PTPRD: variants seen among roughly 807,000 people sequenced by gnomAD.
PTPRD encodes the protein receptor-type tyrosine-protein phosphatase delta.
A neutral mutation model predicts 214.5 loss-of-function variants in PTPRD; 34 were observed. That is an observed-to-expected ratio of 0.16 (90% confidence interval 0.12 to 0.21). The LOEUF (loss-of-function observed/expected upper bound fraction) is 0.21, where lower values mean the gene tolerates loss of function less well. Among genes scored for constraint, PTPRD ranks in the 10% least tolerant of loss-of-function variants. The pLI is 1.00. For synonymous variants in PTPRD, 1,128 were observed against 845.7 expected, an observed-to-expected ratio of 1.33 and a Z score of -5.79; for missense variants, 2,545 against 2,398.7, an observed-to-expected ratio of 1.06 and a Z score of -1.27.
chr9:8,414,462 G>A (rs1589805616), intron 35 of PTPRD, among the ~76,000 whole-genome samples: 1 of 152,284 alleles, frequency 6.6e-6, no homozygotes, highest in East Asian at 1.9e-4. Flanking sequence ...CAATTAGTTG[G>A]CTATTTTAAT....
At chr9:9,789,787 A>C in intron 5 of PTPRD, among the ~76,000 whole-genome samples, 1 of 55,470 alleles carries the variant, frequency 1.8e-5, no homozygotes, top group Admixed American at 2.1e-4. Flanking sequence ...ACAGAGCCAA[A>C]CTCTGTCTCA....
intron 3 of PTPRD, among the ~76,000 whole-genome samples, chr9:10,202,342 T>A (rs7874156): frequency 0.48 from 73,496 of 151,606 alleles, 18,931 homozygotes; most frequent in Non-Finnish European, 0.59. Flanking sequence ...GCTACTGACC[T>A]TCTGCCTGTC....
intron 2 of PTPRD, among the ~76,000 whole-genome samples, chr9:10,444,585 C>A (rs1418177169): frequency 6.6e-6 from 1 of 151,672 alleles, no homozygotes; most frequent in African/African-American, 2.4e-5. Flanking sequence ...AGACAAGATA[C>A]ATGCCTACTA....
At chr9:10,202,302 C>A (rs1019014345) in intron 3 of PTPRD, among the ~76,000 whole-genome samples, 2 of 151,632 alleles carry the variant, frequency 1.3e-5, no homozygotes, top group African/African-American at 4.8e-5. Context: ...AAAGCAGGAG[C>A]CCCCCCACAA....
At chr9:9,696,504 T>C (rs140660984) in intron 7 of PTPRD, among the ~76,000 whole-genome samples, 1 of 152,170 alleles carries the variant, frequency 6.6e-6, no homozygotes, top group Admixed American at 6.5e-5. Flanking sequence ...GCATAGATAT[T>C]TGTAATTGTT....
chr9:8,322,028 G>A (rs1332914799), intron 44 of PTPRD, among the ~76,000 whole-genome samples: 1 of 151,172 alleles, frequency 6.6e-6, no homozygotes, highest in East Asian at 1.9e-4. Context: ...TGTGATCACT[G>A]ATCTTTGATG....
At chr9:8,919,917 G>GATGCATGTGC (rs1161528797) in intron 11 of PTPRD, among the ~76,000 whole-genome samples, 1 of 122,884 alleles carries the variant, frequency 8.1e-6, no homozygotes, top group Non-Finnish European at 1.9e-5. Context: ...TGCATAAGTG[G>GATGCATGTGC]ATGCATGTGC....
chr9:9,070,071 G>T (rs900428938), intron 10 of PTPRD, among the ~76,000 whole-genome samples: 1 of 152,152 alleles, frequency 6.6e-6, no homozygotes, highest in Non-Finnish European at 1.5e-5. Context: ...AATCAGTCAT[G>T]TATTTCAAGT....
intron 39 of PTPRD, among the ~76,000 whole-genome samples, chr9:8,369,770 A>T (rs1439162144): frequency 6.6e-6 from 1 of 151,916 alleles, no homozygotes; most frequent in Non-Finnish European, 1.5e-5. Flanking sequence ...ATCATGGGTC[A>T]AGGTTTTATA....
At chr9:9,134,739 C>T (rs2099848242) in intron 10 of PTPRD, among the ~76,000 whole-genome samples, 1 of 152,082 alleles carries the variant, frequency 6.6e-6, no homozygotes, top group South Asian at 2.1e-4. Context: ...GTTTTACTTT[C>T]TTATTTCTTT....
At chr9:9,479,736 C>G (rs1448467735) in intron 8 of PTPRD, among the ~76,000 whole-genome samples, 5 of 150,834 alleles carry the variant, frequency 3.3e-5, no homozygotes, top group Non-Finnish European at 3.0e-5. Flanking sequence ...AAAACAAAAA[C>G]AAAACAAAAC....
intron 5 of PTPRD, among the ~76,000 whole-genome samples, chr9:9,889,788 A>AGTGTGTGTGTGTGTGTGT (rs138586181): frequency 2.1e-5 from 3 of 146,216 alleles, no homozygotes; most frequent in African/African-American, 7.5e-5. Context: ...GTTCCTGCTG[A>AGTGTGTGTGTGTGTGTGT]GTGTGTGTGT....
chr9:9,401,656 G>T (rs948777209), intron 8 of PTPRD, among the ~76,000 whole-genome samples: 18 of 151,012 alleles, frequency 1.2e-4, no homozygotes, highest in Middle Eastern at 3.4e-3. Context: ...TCATTGATAC[G>T]GTTTTTCTAC....
chr9:9,782,774 A>G (rs141997633), intron 5 of PTPRD, among the ~76,000 whole-genome samples: 31 of 152,334 alleles, frequency 2.0e-4, no homozygotes, highest in African/African-American at 7.5e-4. Context: ...GTGTATAACA[A>G]GTTATCGAAA....
intron 5 of PTPRD, among the ~76,000 whole-genome samples, chr9:9,862,729 C>T (rs879041488): frequency 6.4e-4 from 12 of 18,750 alleles, no homozygotes; most frequent in East Asian, 4.5e-3. Flanking sequence ...TGGTGGGGGG[C>T]GGGGGGGGGA....
chr9:9,035,808 A>C (rs2099619917), intron 10 of PTPRD, among the ~76,000 whole-genome samples: 5 of 151,928 alleles, frequency 3.3e-5, no homozygotes, highest in Admixed American at 3.3e-4. Context: ...AATGCACATG[A>C]CAGTCTGGTT....
chr9:9,415,066 T>C (rs775674692), intron 8 of PTPRD, among the ~76,000 whole-genome samples: 1 of 152,198 alleles, frequency 6.6e-6, no homozygotes, highest in Non-Finnish European at 1.5e-5. Flanking sequence ...ATTACGTACT[T>C]GTTTATTAAG....
intron 12 of PTPRD, among the ~76,000 whole-genome samples, chr9:8,726,635 A>ATATATATATG (rs2098575572): frequency 1.6e-5 from 1 of 61,910 alleles, no homozygotes; most frequent in Non-Finnish European, 2.8e-5. Flanking sequence ...ATATATATAT[A>ATATATATATG]TATATATATA....
chr9:10,505,011 A>T (rs570509141), intron 2 of PTPRD, among the ~76,000 whole-genome samples: 23 of 152,328 alleles, frequency 1.5e-4, no homozygotes, highest in African/African-American at 4.1e-4. Context: ...CTCAAACACC[A>T]TGCCAATCTT....
Sources: gnomAD v4.1 joint callset for allele counts (sites outside exome capture counted in the v4.1 genomes callset) on GRCh38, gnomAD v4.1.1 for gene constraint, MANE v1.5 for transcripts, NCBI Gene and HGNC (gene_info 2026-07-23, HGNC 2026-07-21) for gene names.